Variants in PHF20L1 observed in about 807,000 individuals in gnomAD.
PHF20L1 encodes the protein PHD finger protein 20-like protein 1.
In PHF20L1, 44 loss-of-function variants were observed where a neutral mutation model predicts 125.5. The ratio of observed to expected loss-of-function variants is 0.35; its 90% confidence interval spans 0.28 to 0.45. PHF20L1 has a LOEUF of 0.45. PHF20L1 is among the 20% of genes least tolerant of loss of function. PHF20L1 has a pLI of 1.00. For missense variants in PHF20L1, 1,012 were observed against 1,217.2 expected, an observed-to-expected ratio of 0.83 and a Z score of 2.51; for synonymous variants, 380 against 403.1, an observed-to-expected ratio of 0.94 and a Z score of 0.69.
At chr8:132,792,254 G>A (rs1044157532) in intron 2 of PHF20L1, among the ~76,000 whole-genome samples, 1 of 152,148 alleles carries the variant, frequency 6.6e-6, no homozygotes, top group African/African-American at 2.4e-5. Flanking sequence ...TCAGTGGCTA[G>A]CGAATGTTGA....
rs149123721 is a variant in PHF20L1, at chr8:132,794,541, C to G, written c.215C>G (p.Ala72Gly). ...SNRLRPLERP[A>G]LRKEGLKDEE... ...AGATTGCGACCCCTTGAGAGACCAG[C>G]ACTAAGAAAAGAAGGGCTAAAAGAT... The change falls in exon 3 of 21, where the codon GCA becomes GGA. Residue 72 changes from alanine (A) to glycine (G), a missense_variant. By Grantham distance (60) the Ala-to-Gly change is moderately conservative (BLOSUM62 0). This residue lies in a region of PHF20L1 where 94 missense variants were observed against 179.5 expected (regional missense o/e 0.52). Coordinates refer to ENST00000395386, the MANE Select transcript of PHF20L1 (RefSeq NM_016018.5). 21 of 1,611,650 alleles carry G rather than the reference C, an allele frequency of 1.3e-5. No individual in the cohort carries two copies. Among genetic ancestry groups the G allele is most frequent in the Non-Finnish European group, 4.2e-6 (5 of 1,178,650 alleles).
At chr8:132,802,289 C>T (rs902196014) in intron 6 of PHF20L1, among the ~76,000 whole-genome samples, 1 of 151,512 alleles carries the variant, frequency 6.6e-6, no homozygotes, top group Non-Finnish European at 1.5e-5. Context: ...CACTTTTACT[C>T]CTGGCCTTTG....
chr8:132,844,538 G>A (rs1405947325), intron 20 of PHF20L1, among the ~76,000 whole-genome samples: 1 of 151,976 alleles, frequency 6.6e-6, no homozygotes, highest in African/African-American at 2.4e-5. Flanking sequence ...ACTTTTTTAA[G>A]GTGGATATTT....
At chr8:132,836,895 G>C (rs1837415969) in intron 16 of PHF20L1, among the ~76,000 whole-genome samples, 174 bp downstream of exon 16, 1 of 152,068 alleles carries the variant, frequency 6.6e-6, no homozygotes, top group Non-Finnish European at 1.5e-5. Context: ...AAGTAAAGTA[G>C]ACAATGTTCT....
At chr8:132,786,834 A>G (rs146040970) in intron 2 of PHF20L1, among the ~76,000 whole-genome samples, 2 of 152,274 alleles carry the variant, frequency 1.3e-5, no homozygotes, top group African/African-American at 4.8e-5. Context: ...ATTAGTTTTA[A>G]TCATAACAAT....
At chr8:132,825,230 C>A (rs373959531) in intron 13 of PHF20L1, 34 bp from the exon 14 acceptor site, 13 of 1,587,696 alleles carry the variant, frequency 8.2e-6, no homozygotes, top group Admixed American at 3.5e-5. Flanking sequence ...CAGGATCAGT[C>A]GTGATTGCTA....
At chr8:132,838,026 A>C (rs1160167816) in intron 17 of PHF20L1, 6 of 434,660 alleles carry the variant, frequency 1.4e-5, no homozygotes, top group Non-Finnish European at 2.6e-5. Flanking sequence ...AATTCATTTC[A>C]TTATTCAGTG....
intron 8 of PHF20L1, chr8:132,807,760 TACTGGAAGGTTGTA>T (rs1833905593): frequency 2.2e-6 from 1 of 455,896 alleles, no homozygotes; most frequent in East Asian, 7.0e-5. Context: ...TAATATAGAA[TACTGGAAGGTTGTA>T]ACTTTATTGG....
Position 132,846,096 on chromosome 8 carries a change from G to A in PHF20L1, c.*173G>A, listed in dbSNP as rs1005577322. 32 of 526,668 alleles carry A rather than the reference G, an allele frequency of 6.1e-5. No individual in the cohort carries two copies. Among genetic ancestry groups the A allele is most frequent in the Non-Finnish European group, 1.0e-4 (30 of 298,364 alleles). 32.6% of individuals were successfully genotyped at this position (526,668 alleles called of 1,614,324 possible). A position where few individuals can be genotyped will look rare whatever the true frequency, so the allele number is the denominator to read the frequency against. ...GAAAAATGAAGAACAACTTTATCAA[G>A]GAAGCTAGTATTTAAAAACAAATTC... On this transcript the variant is annotated 3_prime_UTR_variant, in exon 21 of 21. Coordinates refer to ENST00000395386, the MANE Select transcript of PHF20L1 (RefSeq NM_016018.5).
At position 132,775,397 on chromosome 8, in the gene PHF20L1, C is replaced by CGGCGGCGGA. The variant is rs1281430778; in HGVS notation, c.-277_-269dup. 7.6e-5 allele frequency: 29 copies of CGGCGGCGGA among 380,184 alleles called. No individual in the cohort carries two copies. Among genetic ancestry groups the CGGCGGCGGA allele is most frequent in the East Asian group, 4.3e-4 (11 of 25,596 alleles). 23.6% of individuals were successfully genotyped at this position (380,184 alleles called of 1,614,324 possible). ...GGCCCGGCGTCGCGTCAGGGCTGGC[C>CGGCGGCGGA]GGCGGCGGAGGCGGCGGCGGCGGCG... On this transcript the variant is annotated 5_prime_UTR_variant, in exon 1 of 21. Transcript: ENST00000395386.
At chr8:132,825,045 T>G (rs1004458905) in intron 13 of PHF20L1, 1 of 1,460,258 alleles carries the variant, frequency 6.8e-7, no homozygotes, top group Non-Finnish European at 9.3e-7. Flanking sequence ...GTATCAGGAG[T>G]TGGGATTTCT....
intron 8 of PHF20L1, among the ~76,000 whole-genome samples, chr8:132,805,822 C>T (rs1833623260): frequency 6.6e-6 from 1 of 151,820 alleles, no homozygotes; most frequent in African/African-American, 2.4e-5. Flanking sequence ...CAGTCTCTTT[C>T]CATTTGTATA....
rs772971256 is a variant in PHF20L1, at chr8:132,836,726, T to C, written c.2091+5T>C. On this transcript the variant is annotated splice_donor_5th_base_variant and intron_variant, in intron 16 of 20. Coordinates refer to ENST00000395386, the MANE Select transcript of PHF20L1 (RefSeq NM_016018.5). ...GAGAATGGCTTCATGATCCAGGTAA[T>C]TGGTTAACCTCTCTTCCCTATAATG... The C allele has an allele frequency of 1.3e-5, 21 of 1,603,388 alleles. No homozygotes were observed. Among genetic ancestry groups the C allele is most frequent in the Non-Finnish European group, 1.7e-5 (20 of 1,171,278 alleles).
rs1838473405 is a variant in PHF20L1, at chr8:132,847,122, C to G, written c.*1199C>G. The G allele has an allele frequency of 6.6e-6, 1 of 152,464 alleles. No homozygotes were observed. Among genetic ancestry groups the G allele is most frequent in the Non-Finnish European group, 1.5e-5 (1 of 67,976 alleles). 9.4% of individuals were successfully genotyped at this position (152,464 alleles called of 1,614,324 possible). ...AGTACTCATGTGAGTTGTATGTGCC[C>G]CCAGTGCTACATACGCAGGTATGCG... On this transcript the variant is annotated 3_prime_UTR_variant, in exon 21 of 21. Transcript: ENST00000395386.
chr8:132,788,697 G>A (rs1054854187), intron 2 of PHF20L1: 2 of 151,796 alleles, frequency 1.3e-5, no homozygotes, highest in African/African-American at 2.4e-5. Context: ...ATGTTTAATT[G>A]TATTAATGTT....
At chr8:132,809,562 C>A (rs1834126620) in intron 8 of PHF20L1, 1 of 152,122 alleles carries the variant, frequency 6.6e-6, no homozygotes, top group Admixed American at 6.5e-5. Context: ...CCCATGGATA[C>A]CTTTACATCA....
chr8:132,839,898 A>G (rs1051137430), intron 18 of PHF20L1, among the ~76,000 whole-genome samples: 2 of 152,070 alleles, frequency 1.3e-5, no homozygotes, highest in African/African-American at 2.4e-5. Flanking sequence ...GGTGAACCCT[A>G]TACGTTGTGT....
intron 6 of PHF20L1, among the ~76,000 whole-genome samples, chr8:132,800,419 ATTT>A (rs1305790417): frequency 6.6e-6 from 1 of 151,730 alleles, no homozygotes; most frequent in Non-Finnish European, 1.5e-5. Context: ...AATGACTCTC[ATTT>A]TATGAGTTGC....
In PHF20L1 at chr8:132,804,622, T is replaced by C. The variant is rs775244980; in HGVS notation, c.729T>C (p.His243=). 5 of 1,606,174 alleles carry C rather than the reference T, an allele frequency of 3.1e-6. No individual in the cohort carries two copies. The Admixed American group carries it at 5.0e-5, about 16-fold the overall frequency. ...LPTSSETFGL[H]VENVPKMVFP... is the part of the protein sequence containing the mutation. The stretch of plus-strand genomic sequence containing the variant: ...GTGTTCTGTTGAAAGTAGGACTTCA[T>C]GTAGAGAACGTTCCAAAGATGGTCT... The change falls in exon 8 of 21, where the codon CAT becomes CAC. Residue 243 remains histidine (H), a synonymous_variant. Transcript: ENST00000395386.
Sources: allele counts gnomAD v4.1 joint callset (sites outside exome capture counted in the v4.1 genomes callset), GRCh38; gene constraint gnomAD v4.1.1; regional missense constraint gnomAD v4.1.1; transcripts MANE v1.5; gene names NCBI Gene and HGNC (gene_info 2026-07-23, HGNC 2026-07-21).